CCNC: variants seen among roughly 807,000 people sequenced by gnomAD.
The protein encoded by CCNC is cyclin C.
In CCNC, 19 loss-of-function variants were observed where a neutral mutation model predicts 50.0. That is an observed-to-expected ratio of 0.38 (90% confidence interval 0.27 to 0.56). The LOEUF (loss-of-function observed/expected upper bound fraction) is 0.56, where lower values mean the gene tolerates loss of function less well. CCNC is among the 20% of genes least tolerant of loss of function. CCNC has a pLI of 0.72. For missense variants in CCNC, 200 were observed against 327.1 expected, an observed-to-expected ratio of 0.61 and a Z score of 3.00; for synonymous variants, 93 against 103.7, an observed-to-expected ratio of 0.90 and a Z score of 0.63.
At chr6:99,556,778 C>T (rs1366382914) in intron 5 of CCNC, among the ~76,000 whole-genome samples, 12 of 152,052 alleles carry the variant, frequency 7.9e-5, no homozygotes, top group Non-Finnish European at 1.5e-4. Flanking sequence ...AAAATTAGCC[C>T]GGCGTGGTGG....
At chr6:99,567,811 T>G (rs1435694264) in intron 1 of CCNC, among the ~76,000 whole-genome samples, 1 of 152,110 alleles carries the variant, frequency 6.6e-6, no homozygotes, top group Non-Finnish European at 1.5e-5. Flanking sequence ...ACATGGTCAC[T>G]GACAGAAACA....
At chr6:99,559,944 T>G (rs1802705782) in intron 4 of CCNC, among the ~76,000 whole-genome samples, 1 of 152,144 alleles carries the variant, frequency 6.6e-6, no homozygotes, top group Non-Finnish European at 1.5e-5. Context: ...GGTCTCAAAC[T>G]CCTGACCTCA....
Position 99,543,449 on chromosome 6 carries a change from A to G in CCNC, c.*106T>C. ...ATAAAATCACTTTCCAATATGCTTG[A>G]CAGAAACAAGCTATTCATTTTCATT... On this transcript the variant is annotated 3_prime_UTR_variant, in exon 12 of 12. Coordinates refer to ENST00000520429, the MANE Select transcript of CCNC (RefSeq NM_005190.4). 1.6e-6 allele frequency: 2 copies of G among 1,237,558 alleles called. No individual in the cohort carries two copies. Among genetic ancestry groups the G allele is most frequent in the East Asian group, 4.7e-5 (2 of 42,562 alleles). The allele number at this position is 1,237,558 out of a possible 1,614,324, so 76.7% of individuals were successfully genotyped here. A position where few individuals can be genotyped will look rare whatever the true frequency, so the allele number is the denominator to read the frequency against.
At chr6:99,552,963 A>C (rs1173148345) in intron 5 of CCNC, among the ~76,000 whole-genome samples, 1 of 151,648 alleles carries the variant, frequency 6.6e-6, no homozygotes, top group Non-Finnish European at 1.5e-5. Flanking sequence ...AATCCCTTGA[A>C]CCCGGGAGGC....
chr6:99,551,853 T>C lies in CCNC; in HGVS notation c.389A>G (p.Tyr130Cys). The change falls in exon 6 of 12, where the codon TAT becomes TGT. Residue 130 changes from tyrosine (Y) to cysteine (C), a missense_variant. Coordinates refer to ENST00000520429, the MANE Select transcript of CCNC (RefSeq NM_005190.4). ...FSYAFPKEFP[Y>C]RMNHILECEF... ...TCATATACTTACATGATTCATCCTA[T>C]AAGGAAATTCCTTTGGAAAGGCATA... is the stretch of plus-strand genomic sequence containing the variant. 7.0e-7 allele frequency: 1 copy of C among 1,437,424 alleles called. No homozygotes were observed. Among genetic ancestry groups the C allele is most frequent in the Non-Finnish European group, 9.4e-7 (1 of 1,068,700 alleles). The allele number at this position is 1,437,424 out of a possible 1,614,324, so 89.0% of individuals were successfully genotyped here.
chr6:99,558,888 G>A (rs541440884), intron 4 of CCNC, among the ~76,000 whole-genome samples: 6 of 152,096 alleles, frequency 3.9e-5, no homozygotes, highest in Admixed American at 3.3e-4. Flanking sequence ...TTCAGATTAC[G>A]GATATTCTGC....
At chr6:99,563,005 A>G (rs1768918127) in intron 1 of CCNC, 57 bp from the exon 2 acceptor site, 3 of 1,008,794 alleles carry the variant, frequency 3.0e-6, no homozygotes, top group Admixed American at 2.2e-5. Context: ...ACACTCTAAG[A>G]TTGAACACAT....
At position 99,561,709 on chromosome 6, in the gene CCNC, T is replaced by C. The variant is rs995852541; in HGVS notation, c.140-28A>G. 1.1e-5 allele frequency: 14 copies of C among 1,284,298 alleles called. No individual in the cohort carries two copies. The African/African-American group carries it at 1.9e-4, about 17-fold the overall frequency. 79.6% of individuals were successfully genotyped at this position (1,284,298 alleles called of 1,614,324 possible). On this transcript the variant is annotated intron_variant, in intron 2 of 11. Transcript: ENST00000520429. Reference sequence around the variant, plus strand: ...AAAAGGCAAATAATGAAATTTTAAATGTATCTTCTGGTATCATTATAATAT... The same window carrying C: ...AAAAGGCAAATAATGAAATTTTAAACGTATCTTCTGGTATCATTATAATAT...
At chr6:99,549,468 A>G in intron 9 of CCNC, 40 bp downstream of exon 9, 3 of 1,377,472 alleles carry the variant, frequency 2.2e-6, no homozygotes, top group African/African-American at 1.4e-5. Context: ...AAATAAGTTT[A>G]TAACAATTTA....
chr6:99,555,419 T>A (rs974375070), intron 5 of CCNC, among the ~76,000 whole-genome samples: 16 of 139,022 alleles, frequency 1.2e-4, no homozygotes, highest in African/African-American at 4.5e-4. Context: ...CTATGCAGCA[T>A]AAGACATTGT....
In CCNC at chr6:99,561,830, G is replaced by T. The variant is rs551282666; in HGVS notation, c.140-149C>A. Reference sequence around the variant, plus strand: ...CACATGCTCTATGTGAGTCACAGTGGTCTAATTCTAGGATTTGCAAATGTG... The same window carrying T: ...CACATGCTCTATGTGAGTCACAGTGTTCTAATTCTAGGATTTGCAAATGTG... On this transcript the variant is annotated intron_variant, in intron 2 of 11. Coordinates refer to ENST00000520429, the MANE Select transcript of CCNC (RefSeq NM_005190.4). The T allele has an allele frequency of 1.4e-5, 7 of 513,526 alleles. No homozygotes were observed. In the East Asian group the frequency reaches 2.2e-4, roughly 16 times the overall value. 31.8% of individuals were successfully genotyped at this position (513,526 alleles called of 1,614,324 possible). A position where few individuals can be genotyped will look rare whatever the true frequency, so the allele number is the denominator to read the frequency against.
At chr6:99,543,986 C>T (rs774500139) in intron 11 of CCNC, 24 of 1,190,256 alleles carry the variant, frequency 2.0e-5, no homozygotes, top group Non-Finnish European at 2.6e-5. Context: ...CCTATTCCTA[C>T]TATTTATGAA....
At chr6:99,552,276 C>A (rs561428492) in intron 5 of CCNC, among the ~76,000 whole-genome samples, 1 of 151,958 alleles carries the variant, frequency 6.6e-6, no homozygotes, top group Non-Finnish European at 1.5e-5. Context: ...ACAATATATA[C>A]AATTGGTAAA....
intron 1 of CCNC, among the ~76,000 whole-genome samples, chr6:99,563,487 T>C (rs1198730942): frequency 2.6e-5 from 4 of 152,190 alleles, no homozygotes; most frequent in Non-Finnish European, 5.9e-5. Flanking sequence ...TAACCAGATA[T>C]GAAATTGACA....
At chr6:99,550,347 A>G in intron 7 of CCNC, 38 bp from the exon 8 acceptor site, 1 of 1,400,014 alleles carries the variant, frequency 7.1e-7, no homozygotes, top group Non-Finnish European at 1.0e-6. Flanking sequence ...TATAAAAAAC[A>G]GATTTATTAC....
intron 5 of CCNC, among the ~76,000 whole-genome samples, chr6:99,555,411 A>C (rs150047521): frequency 6.7e-6 from 1 of 149,496 alleles, no homozygotes; most frequent in Non-Finnish European, 1.5e-5. Context: ...ATCTTTTTCT[A>C]TGCAGCATAA....
chr6:99,556,030 G>GT (rs1802497648), intron 5 of CCNC, among the ~76,000 whole-genome samples: 1 of 151,940 alleles, frequency 6.6e-6, no homozygotes, highest in Non-Finnish European at 1.5e-5. Flanking sequence ...GCCAATATTC[G>GT]TTTAAGCCTT....
At chr6:99,558,684 C>A in intron 4 of CCNC, 136 bp from the exon 5 acceptor site, 1 of 666,486 alleles carries the variant, frequency 1.5e-6, no homozygotes, top group Non-Finnish European at 2.4e-6. Context: ...TACTTACACT[C>A]CTAAATGTAC....
chr6:99,561,518 C>T (rs2114391164), intron 3 of CCNC, 79 bp downstream of exon 3: 2 of 1,336,150 alleles, frequency 1.5e-6, no homozygotes, highest in Non-Finnish European at 2.1e-6. Flanking sequence ...CTATGGTAGA[C>T]ACATGATTCA....
Sources: allele counts gnomAD v4.1 joint callset (sites outside exome capture counted in the v4.1 genomes callset), GRCh38; gene constraint gnomAD v4.1.1; transcripts MANE v1.5; gene names NCBI Gene and HGNC (gene_info 2026-07-23, HGNC 2026-07-21).